The following CADM4 variants were observed in gnomAD, a reference collection of about 807,000 sequenced individuals.
CADM4 encodes the protein cell adhesion molecule 4, also known as TSLC1-like 2.
A neutral mutation model predicts 43.9 loss-of-function variants in CADM4; 13 were observed. That is an observed-to-expected ratio of 0.30 (90% confidence interval 0.19 to 0.47). The LOEUF is 0.47. Ranked by LOEUF, CADM4 falls within the 20% of genes least tolerant of loss-of-function variation. CADM4 has a pLI of 1.00. For synonymous variants in CADM4, 209 were observed against 220.9 expected, an observed-to-expected ratio of 0.95 and a Z score of 0.48; for missense variants, 420 against 527.0, an observed-to-expected ratio of 0.80 and a Z score of 1.99.
rs533601409 is a variant in CADM4 at position 43,623,197 on chromosome 19, G to A, written c.*133C>T. ...CCAACACCCCCATCCCTGCCCAAGC[G>A]TCTGAGGTGTTAGTGGTGGGGGGAG... On this transcript the variant is annotated 3_prime_UTR_variant, in exon 9 of 9. Coordinates refer to ENST00000222374, the MANE Select transcript of CADM4 (RefSeq NM_145296.2). This position sits in a 1 kb window ranked among gnomAD's most constrained non-coding sequence, Gnocchi z 4.4. 8 of 706,784 alleles carry A rather than the reference G, an allele frequency of 1.1e-5. No individual in the cohort carries two copies. The highest frequency in any genetic ancestry group is 4.1e-5 in the Admixed American group (2 of 48,614). The allele number at this position is 706,784 out of a possible 1,614,324, so 43.8% of individuals were successfully genotyped here.
intron 1 of CADM4, among the ~76,000 whole-genome samples, chr19:43,632,343 C>T (rs1382007408): frequency 1.3e-5 from 2 of 152,148 alleles, no homozygotes; most frequent in Non-Finnish European, 2.9e-5. Flanking sequence ...CTGCAAAAGC[C>T]TACTCGTGGG....
chr19:43,640,254 C>T (rs1241755895), upstream of CADM4, among the ~76,000 whole-genome samples: 2 of 148,496 alleles, frequency 1.3e-5, no homozygotes, highest in South Asian at 2.2e-4. Flanking sequence ...TCGTGGGGTG[C>T]GGTGTGTGCG....
Position 43,627,078 on chromosome 19 carries a change from A to C in CADM4, c.364+88T>G, listed in dbSNP as rs1568541076. The stretch of plus-strand genomic sequence containing the variant: ...GCCAGATGCCCATCCAGGATGTTAA[A>C]AATAGCCATGGTCTGAAAGTCTCAG... On this transcript the variant is annotated intron_variant, in intron 3 of 8. Coordinates refer to ENST00000222374, the MANE Select transcript of CADM4 (RefSeq NM_145296.2). The surrounding 1 kb of genome is among the most constrained non-coding windows in gnomAD (Gnocchi z 4.0). 1 of 1,499,908 alleles carries C rather than the reference A, an allele frequency of 6.7e-7. No homozygotes were observed. The highest frequency in any genetic ancestry group is 1.4e-5 in the African/African-American group (1 of 71,322). The allele number at this position is 1,499,908 out of a possible 1,614,324, so 92.9% of individuals were successfully genotyped here.
At chr19:43,624,017 CCTAGGCTCCGCCCTCTCGTTACCCTGGCT>C in intron 8 of CADM4, 68 bp downstream of exon 8, 1 of 1,488,694 alleles carries the variant, frequency 6.7e-7, no homozygotes, top group Non-Finnish European at 9.1e-7. Context: ...GAATCCAGAG[CCTAGGCTCCGCCCTCTCGTTACCCTGGCT>C]CTAGGCCCCG....
At position 43,625,299 on chromosome 19, in the gene CADM4, C is replaced by T; in HGVS notation, c.756-49G>A. 1 of 1,559,790 alleles carries T rather than the reference C, an allele frequency of 6.4e-7. No homozygotes were observed. Among genetic ancestry groups the T allele is most frequent in the African/African-American group, 1.4e-5 (1 of 73,578 alleles). On this transcript the variant is annotated intron_variant, in intron 6 of 8. Coordinates refer to ENST00000222374, the MANE Select transcript of CADM4 (RefSeq NM_145296.2). The surrounding 1 kb of genome is among the most constrained non-coding windows in gnomAD (Gnocchi z 4.5). ...AGAGTTAGGAACCGAGGTGCCAGCA[C>T]CCAATTCTGACTTGTCAAGAATCTA...
chr19:43,639,890 G>C, upstream of CADM4: 1 of 927,898 alleles, frequency 1.1e-6, no homozygotes, highest in Non-Finnish European at 1.3e-6. Context: ...TGCCCGCCCG[G>C]GGGCGGGGCG....
chr19:43,627,098 T>G lies in CADM4; in HGVS notation c.364+68A>C, dbSNP rs185698278. ...GTTAAAAATAGCCATGGTCTGAAAG[T>G]CTCAGGAGAAGAGAGAAGCAGAGAA... On this transcript the variant is annotated intron_variant, in intron 3 of 8. Transcript: ENST00000222374. The surrounding 1 kb of genome is among the most constrained non-coding windows in gnomAD (Gnocchi z 4.0). 426 of 1,509,598 alleles carry G rather than the reference T, an allele frequency of 2.8e-4. 2 individuals are homozygous for G. The East Asian group carries it at 9.4e-3, about 33-fold the overall frequency. 93.5% of individuals were successfully genotyped at this position (1,509,598 alleles called of 1,614,324 possible). A position where few individuals can be genotyped will look rare whatever the true frequency, so the allele number is the denominator to read the frequency against.
At position 43,625,148 on chromosome 19, in the gene CADM4, G is replaced by A. The variant is rs1973503090; in HGVS notation, c.858C>T (p.Asn286=). Residue 286 remains asparagine (N), a synonymous_variant, in exon 7 of 9, where the codon AAC becomes AAT. Transcript: ENST00000222374. This position sits in a 1 kb window ranked among gnomAD's most constrained non-coding sequence, Gnocchi z 4.5. ...LTLPGLVSAD[N]GTYTCEASNK... The stretch of plus-strand genomic sequence containing the variant: ...TGGACGCCTCGCAAGTGTAGGTGCC[G>A]TTATCCGCGGATACCAGACCCGGCA... 3.1e-6 allele frequency: 5 copies of A among 1,613,972 alleles called. No individual in the cohort carries two copies. The highest frequency in any genetic ancestry group is 1.7e-5 in the Admixed American group (1 of 59,992).
chr19:43,628,614 C>T lies in CADM4; in HGVS notation c.65-824G>A, dbSNP rs560131912. Among the ~76,000 whole-genome samples the T allele has an allele frequency of 1.2e-4, 19 of 152,290 alleles. 1 individual carries two copies. In the South Asian group the frequency reaches 3.9e-3, roughly 32 times the overall value. ...TTTGCAAGTTGATTTTGCCATTCCT[C>T]CCATTGAGAAGGCACTTTGTCCCCT... On this transcript the variant is annotated intron_variant, in intron 1 of 8. Transcript: ENST00000222374.
Position 43,626,404 on chromosome 19 carries a change from C to A in CADM4, c.500-116G>T. ...AGCTCCACCCCTTACCCACAGGCCC[C>A]GCCTCTTGTCCTCCAAGCTACGCCC... On this transcript the variant is annotated intron_variant, in intron 4 of 8. Coordinates refer to ENST00000222374, the MANE Select transcript of CADM4 (RefSeq NM_145296.2). The surrounding 1 kb of genome is among the most constrained non-coding windows in gnomAD (Gnocchi z 5.9). The A allele has an allele frequency of 7.7e-7, 1 of 1,291,240 alleles. No individual in the cohort carries two copies. The highest frequency in any genetic ancestry group is 2.5e-5 in the East Asian group (1 of 39,960). 80.0% of individuals were successfully genotyped at this position (1,291,240 alleles called of 1,614,324 possible).
At chr19:43,635,030 C>T (rs10402946) in intron 1 of CADM4, among the ~76,000 whole-genome samples, 36,921 of 151,674 alleles carry the variant, frequency 0.24, 4,830 homozygotes, top group Non-Finnish European at 0.28. Context: ...CAGCCCTCTC[C>T]TAGCTTAGAC....
At chr19:43,639,545 C>T (rs1230323959) in intron 1 of CADM4, among the ~76,000 whole-genome samples, 182 bp downstream of exon 1, 9 of 150,462 alleles carry the variant, frequency 6.0e-5, no homozygotes, top group Admixed American at 2.6e-4. Flanking sequence ...GGCCGGGCCC[C>T]GCGCCCCCTC....
chr19:43,627,015 G>A lies in CADM4; in HGVS notation c.365-97C>T. On this transcript the variant is annotated intron_variant, in intron 3 of 8. Coordinates refer to ENST00000222374, the MANE Select transcript of CADM4 (RefSeq NM_145296.2). The surrounding 1 kb of genome is among the most constrained non-coding windows in gnomAD (Gnocchi z 4.0). ...GTTCCCAGCGACCATAGGGAACCAG[G>A]GTCCCAGGTGGCAGGGGTCAAAGGG... 6.8e-7 allele frequency: 1 copy of A among 1,479,714 alleles called. No homozygotes were observed. Among genetic ancestry groups the A allele is most frequent in the Non-Finnish European group, 9.0e-7 (1 of 1,109,716 alleles). The allele number at this position is 1,479,714 out of a possible 1,614,324, so 91.7% of individuals were successfully genotyped here. A position where few individuals can be genotyped will look rare whatever the true frequency, so the allele number is the denominator to read the frequency against.
chr19:43,627,390 G>C lies in CADM4; in HGVS notation c.212-72C>G. Reference sequence around the variant, plus strand: ...CACAAGTCCCACCCTTCCGACAGGAGCTTAGAGTCCAGCCCTCTGCCTCTT... The same window carrying C: ...CACAAGTCCCACCCTTCCGACAGGACCTTAGAGTCCAGCCCTCTGCCTCTT... On this transcript the variant is annotated intron_variant, in intron 2 of 8. Coordinates refer to ENST00000222374, the MANE Select transcript of CADM4 (RefSeq NM_145296.2). The surrounding 1 kb of genome is among the most constrained non-coding windows in gnomAD (Gnocchi z 4.0). 1 of 1,482,804 alleles carries C rather than the reference G, an allele frequency of 6.7e-7. No homozygotes were observed. Among genetic ancestry groups the C allele is most frequent in the South Asian group, 1.4e-5 (1 of 73,214 alleles). 91.9% of individuals were successfully genotyped at this position (1,482,804 alleles called of 1,614,324 possible).
chr19:43,639,860 G>GC, upstream of CADM4: 3 of 964,092 alleles, frequency 3.1e-6, no homozygotes, highest in Non-Finnish European at 3.7e-6. Flanking sequence ...CGCCCGCCCC[G>GC]CCCCCCGCGC....
In CADM4 at chr19:43,638,779, G is replaced by A. The variant is rs556682564; in HGVS notation, c.64+948C>T. On this transcript the variant is annotated intron_variant, in intron 1 of 8. Coordinates refer to ENST00000222374, the MANE Select transcript of CADM4 (RefSeq NM_145296.2). ...GCTGAATCCACGTGTGTGCCTACAC[G>A]CCAAGGTCCCCCATTCTCACTTCCC... 1.2e-3 allele frequency among the ~76,000 whole-genome samples: 177 copies of A among 152,328 alleles called. 1 individual carries two copies. The highest frequency in any genetic ancestry group is 4.2e-3 in the African/African-American group (173 of 41,576).
chr19:43,623,972 CT>C lies in CADM4; in HGVS notation c.1057+141del, dbSNP rs1461920337. On this transcript the variant is annotated intron_variant, in intron 8 of 8. Transcript: ENST00000222374. The surrounding 1 kb of genome is among the most constrained non-coding windows in gnomAD (Gnocchi z 4.4). ...AGTATTGTGCCGAAAGCCCCGCCCC[CT>C]TTGTCATCTCCGCCCCCGGTGCGGC... The C allele has an allele frequency of 9.9e-7, 1 of 1,013,980 alleles. No homozygotes were observed. 62.8% of individuals were successfully genotyped at this position (1,013,980 alleles called of 1,614,324 possible). A position where few individuals can be genotyped will look rare whatever the true frequency, so the allele number is the denominator to read the frequency against.
intron 1 of CADM4, among the ~76,000 whole-genome samples, chr19:43,638,728 G>A (rs1226485244): frequency 6.6e-6 from 1 of 152,240 alleles, no homozygotes; most frequent in Non-Finnish European, 1.5e-5. Flanking sequence ...TGTGTGAATG[G>A]GTGAGCAGGG....
intron 1 of CADM4, 67 bp downstream of exon 1, chr19:43,639,660 G>A (rs1973747247): frequency 2.2e-6 from 2 of 916,776 alleles, no homozygotes; most frequent in South Asian, 9.6e-5. Context: ...CCCCGAGGCT[G>A]CCGGGCTGTC....
Sources: gnomAD v4.1 joint callset for allele counts (sites outside exome capture counted in the v4.1 genomes callset) on GRCh38, gnomAD v4.1.1 for gene constraint, Gnocchi (gnomAD v3.1) non-coding constraint, MANE v1.5 for transcripts, NCBI Gene and HGNC (gene_info 2026-07-23, HGNC 2026-07-21) for gene names.